DST: variants seen among roughly 807,000 people sequenced by gnomAD.
DST encodes the protein dystonin.
In DST, 253 loss-of-function variants were observed where a neutral mutation model predicts 875.2. The observed-to-expected ratio is 0.29, with a 90% CI of 0.26 to 0.32. DST has a LOEUF of 0.32. DST is among the 10% of genes least tolerant of loss of function. The pLI is 1.00. For missense variants in DST, 8,287 were observed against 9,111.6 expected (o/e 0.91, Z 3.68); for synonymous variants, 3,124 against 3,197.1 (o/e 0.98, Z 0.77).
intron 2 of DST, among the ~76,000 whole-genome samples, chr6:56,918,218 C>G (rs960065180): frequency 3.3e-5 from 5 of 151,872 alleles, no homozygotes; most frequent in Non-Finnish European, 5.9e-5. Context: ...CCTCCACCTC[C>G]CGGGTTCAAG....
intron 4 of DST, among the ~76,000 whole-genome samples, chr6:56,815,982 ACT>A (rs2099766026): frequency 6.6e-6 from 1 of 152,040 alleles, no homozygotes; most frequent in African/African-American, 2.4e-5. Context: ...TCATTCCCTG[ACT>A]CTGAAAAAAA....
At chr6:56,778,185 T>C (rs2099683305) in intron 4 of DST, among the ~76,000 whole-genome samples, 1 of 152,010 alleles carries the variant, frequency 6.6e-6, no homozygotes, top group South Asian at 2.1e-4. Flanking sequence ...AATCAAGGAA[T>C]TGGGAGCCTT....
intron 37 of DST, 46 bp from the exon 38 acceptor site, chr6:56,611,642 T>A: frequency 7.8e-7 from 1 of 1,284,624 alleles, no homozygotes; most frequent in Non-Finnish European, 1.1e-6. Flanking sequence ...CCAAAAGGAG[T>A]AAACAGTATT....
chr6:56,590,231 A>C (rs931868710), intron 49 of DST, among the ~76,000 whole-genome samples: 7 of 152,170 alleles, frequency 4.6e-5, no homozygotes, highest in African/African-American at 1.4e-4. Context: ...AGCAATTACT[A>C]AATAGGTTTT....
chr6:56,543,244 C>T (rs1027323225), intron 61 of DST, among the ~76,000 whole-genome samples: 1 of 152,234 alleles, frequency 6.6e-6, no homozygotes, highest in Non-Finnish European at 1.5e-5. Context: ...ACTGAAGAAT[C>T]TGATGCTTCA....
chr6:56,782,532 T>G (rs1166623103), intron 4 of DST, among the ~76,000 whole-genome samples: 1 of 152,280 alleles, frequency 6.6e-6, no homozygotes, highest in Non-Finnish European at 1.5e-5. Context: ...TAGTATTCTC[T>G]GATGGTAGTT....
chr6:56,873,772 A>G lies in DST; in HGVS notation c.418-22168T>C, dbSNP rs187423648. 2.9e-4 allele frequency among the ~76,000 whole-genome samples: 44 copies of G among 152,344 alleles called. 2 individuals carry two copies. In the East Asian group the frequency reaches 7.3e-3, roughly 25 times the overall value. On this transcript the variant is annotated intron_variant, in intron 3 of 103. Coordinates refer to ENST00000680361, the MANE Select transcript of DST (RefSeq NM_001374736.1). ...TAATGAGCACAAAAATACACTCAGAAGGAACAAGATCTAGTGTTTGACAGC... is the reference window on the plus strand; with the variant it reads ...TAATGAGCACAAAAATACACTCAGAGGGAACAAGATCTAGTGTTTGACAGC...
At chr6:56,501,307 C>T (rs774035956) in intron 79 of DST, 72 bp from the exon 80 acceptor site, 36 of 1,441,098 alleles carry the variant, frequency 2.5e-5, no homozygotes, top group Non-Finnish European at 3.1e-5. Flanking sequence ...AAAACAAGGA[C>T]AAAAATAATT....
chr6:56,768,006 G>T (rs966490998), intron 4 of DST, among the ~76,000 whole-genome samples: 8 of 152,104 alleles, frequency 5.3e-5, no homozygotes, highest in Non-Finnish European at 7.4e-5. Flanking sequence ...AAGCTAAAGA[G>T]GTAACAGAAG....
At chr6:56,926,218 C>T (rs182291497) in intron 2 of DST, among the ~76,000 whole-genome samples, 13 of 152,122 alleles carry the variant, frequency 8.5e-5, no homozygotes, top group Admixed American at 8.5e-4. Context: ...TACCCATTTG[C>T]CACTCATCTT....
intron 2 of DST, among the ~76,000 whole-genome samples, chr6:56,948,841 G>A (rs6904924): frequency 0.13 from 19,562 of 152,180 alleles, 1,470 homozygotes; most frequent in Middle Eastern, 0.2. Flanking sequence ...CTAGAAGACA[G>A]GAATCATGTT....
chr6:56,694,700 A>G (rs952183779), intron 9 of DST, among the ~76,000 whole-genome samples: 9 of 152,144 alleles, frequency 5.9e-5, no homozygotes, highest in Admixed American at 5.2e-4. Context: ...TGTCCCCTCC[A>G]AATTCCATGT....
At chr6:56,741,554 C>A (rs1402144713) in intron 4 of DST, among the ~76,000 whole-genome samples, 1 of 152,148 alleles carries the variant, frequency 6.6e-6, no homozygotes, top group Non-Finnish European at 1.5e-5. Context: ...AAGAGAGCAA[C>A]CTAGAGTCAG....
chr6:56,608,701 C>A lies in DST; in HGVS notation c.5927G>T (p.Gly1976Val), dbSNP rs751486135. 9.3e-6 allele frequency: 15 copies of A among 1,612,396 alleles called. No individual in the cohort carries two copies. Among genetic ancestry groups the A allele is most frequent in the East Asian group, 2.2e-5 (1 of 44,834 alleles). ...NISILRAAHE[G>V]LIDRETMFRL... Reference sequence around the variant, plus strand: ...AAACATGGTTTCACGGTCTATGAGACCTTCATGAGCTGCTCTTAAAATGCT... The same window carrying A: ...AAACATGGTTTCACGGTCTATGAGAACTTCATGAGCTGCTCTTAAAATGCT... Residue 1976 changes from glycine (G) to valine (V), a missense_variant, in exon 40 of 104, where the codon GGT becomes GTT. Gly to Val is a moderately radical substitution (Grantham distance 109). Coordinates refer to ENST00000680361, the MANE Select transcript of DST (RefSeq NM_001374736.1).
At position 56,604,509 on chromosome 6, in the gene DST, A is replaced by C. The variant is rs765005907; in HGVS notation, c.10119T>G (p.Val3373=). 5.0e-6 allele frequency: 8 copies of C among 1,612,570 alleles called. No homozygotes were observed. Among genetic ancestry groups the C allele is most frequent in the Non-Finnish European group, 6.8e-6 (8 of 1,179,094 alleles). The change falls in exon 40 of 104, where the codon GTT becomes GTG. Residue 3373 remains valine (V), a synonymous_variant. Transcript: ENST00000680361. ...TGTCTGCACAGGCTGAAGGTTCTTC[A>C]ACCTCTTGAGGGTTCATATGACCTT... ...LKEGHMNPQE[V]EEPSACADTK...
At chr6:56,503,033 C>T (rs976928972) in intron 78 of DST, among the ~76,000 whole-genome samples, 1 of 152,066 alleles carries the variant, frequency 6.6e-6, no homozygotes, top group Non-Finnish European at 1.5e-5. Flanking sequence ...GCAAAAACTA[C>T]AGAGAACAGC....
intron 82 of DST, among the ~76,000 whole-genome samples, chr6:56,496,197 C>T (rs6904202): frequency 0.4 from 60,861 of 152,060 alleles, 13,623 homozygotes; most frequent in African/African-American, 0.6. Flanking sequence ...TGCTGAATTA[C>T]AATGGAATAT....
intron 3 of DST, among the ~76,000 whole-genome samples, chr6:56,859,928 G>A (rs945184442): frequency 2.0e-5 from 3 of 152,170 alleles, no homozygotes; most frequent in African/African-American, 7.2e-5. Context: ...AAGCCAGATT[G>A]GAGATGCAGT....
chr6:56,823,137 T>C (rs1036711590), intron 4 of DST, among the ~76,000 whole-genome samples: 1 of 152,054 alleles, frequency 6.6e-6, no homozygotes, highest in African/African-American at 2.4e-5. Context: ...ATCTCTAAAG[T>C]AAACAAAGAA....
Sources: allele counts gnomAD v4.1 joint callset (sites outside exome capture counted in the v4.1 genomes callset), GRCh38; gene constraint gnomAD v4.1.1; transcripts MANE v1.5; gene names NCBI Gene and HGNC (gene_info 2026-07-23, HGNC 2026-07-21).